The following CFAP20DC variants were observed in gnomAD, a reference collection of about 807,000 sequenced individuals.
The protein encoded by CFAP20DC is CFAP20 domain containing.
A neutral mutation model predicts 101.7 loss-of-function variants in CFAP20DC; 84 were observed. That is an observed-to-expected ratio of 0.83 (90% CI 0.69 to 0.99). The LOEUF is 0.99. Ranked by LOEUF, CFAP20DC falls within the 50% of genes least tolerant of loss-of-function variation. The pLI, the probability that CFAP20DC is intolerant of heterozygous loss-of-function variation, is 0.00. For synonymous variants in CFAP20DC, 359 were observed against 351.2 expected (o/e 1.02, Z -0.25); for missense variants, 1,007 against 970.3 (o/e 1.04, Z -0.50).
chr3:59,034,568 T>G (rs181466844), intron 4 of CFAP20DC, among the ~76,000 whole-genome samples: 30 of 151,954 alleles, frequency 2.0e-4, no homozygotes, highest in Non-Finnish European at 2.6e-4. Context: ...AAACAGACTT[T>G]AAACTATCAA....
At chr3:58,889,948 ACTT>A (rs1423034115) in intron 6 of CFAP20DC, among the ~76,000 whole-genome samples, 1 of 133,396 alleles carries the variant, frequency 7.5e-6, no homozygotes, top group African/African-American at 2.9e-5. Context: ...TCCCATGTCT[ACTT>A]CTTTCTACAC....
chr3:58,786,617 T>C (rs2072362964), intron 15 of CFAP20DC, among the ~76,000 whole-genome samples: 1 of 152,036 alleles, frequency 6.6e-6, no homozygotes, highest in South Asian at 2.1e-4. Context: ...TATCAGATCG[T>C]CCGTGATAGT....
At chr3:58,895,512 C>T (rs757189573) in intron 6 of CFAP20DC, among the ~76,000 whole-genome samples, 44 of 152,232 alleles carry the variant, frequency 2.9e-4, no homozygotes, top group Non-Finnish European at 5.1e-4. Context: ...GAGACCACCT[C>T]AGCCTGGACT....
chr3:58,823,419 G>A (rs1409160255), intron 14 of CFAP20DC, among the ~76,000 whole-genome samples: 1 of 152,108 alleles, frequency 6.6e-6, no homozygotes, highest in Non-Finnish European at 1.5e-5. Flanking sequence ...ATGACAACCA[G>A]TATCTACAAT....
chr3:58,866,159 C>T (rs1047899655), intron 11 of CFAP20DC, among the ~76,000 whole-genome samples: 25 of 152,088 alleles, frequency 1.6e-4, no homozygotes, highest in African/African-American at 5.3e-4. Context: ...TTCTTTTTTC[C>T]CTTGCTCAAA....
rs765553535 is a variant in CFAP20DC, at chr3:58,831,685, C to T, written c.2175+1G>A. 9.3e-6 allele frequency: 15 copies of T among 1,613,302 alleles called. No individual in the cohort carries two copies. The highest frequency in any genetic ancestry group is 1.3e-5 in the Non-Finnish European group (15 of 1,179,572). ...AGGAAGCTGCAAAGCCAGGGACTCACGGGTGGCAGGCAGGAGTTCCAGGTG... is the reference window on the plus strand; with the variant it reads ...AGGAAGCTGCAAAGCCAGGGACTCATGGGTGGCAGGCAGGAGTTCCAGGTG... On this transcript the variant is annotated splice_donor_variant, in intron 14 of 16. Transcript: ENST00000482387. LOFTEE classifies it high-confidence loss of function.
chr3:58,857,129 A>C (rs1025479944), intron 12 of CFAP20DC, among the ~76,000 whole-genome samples: 7 of 152,254 alleles, frequency 4.6e-5, no homozygotes, highest in Non-Finnish European at 8.8e-5. Context: ...AAAGTCTAAC[A>C]GAGAAATGAT....
Position 58,788,245 on chromosome 3 carries a change from G to A in CFAP20DC, c.2237+18150C>T, listed in dbSNP as rs2072545485. ...AGATTCTGAGCACGCAGTGAGAAAG[G>A]GAACCACAGCATGGTTGATTTGGGG... is the stretch of plus-strand genomic sequence containing the variant. On this transcript the variant is annotated intron_variant, in intron 15 of 16. Coordinates refer to ENST00000482387, the MANE Select transcript of CFAP20DC (RefSeq NM_001394063.1). The surrounding 1 kb of genome is among the most constrained non-coding windows in gnomAD (Gnocchi z 4.2). Among the ~76,000 whole-genome samples the A allele has an allele frequency of 2.0e-5, 3 of 152,030 alleles. No homozygotes were observed.
chr3:58,737,153 T>C (rs1365747139), downstream of CFAP20DC: 4 of 456,504 alleles, frequency 8.8e-6, no homozygotes, highest in African/African-American at 4.0e-5. This position sits in a 1 kb window ranked among gnomAD's most constrained non-coding sequence, Gnocchi z 4.1. Flanking sequence ...GGCTTCAGCA[T>C]ACCTTGTTTT....
At chr3:58,818,361 T>A (rs1328406129) in intron 14 of CFAP20DC, among the ~76,000 whole-genome samples, 1 of 146,638 alleles carries the variant, frequency 6.8e-6, no homozygotes, top group East Asian at 2.1e-4. Context: ...GGATAAAGAG[T>A]CAAGACCCAT....
Position 58,764,340 on chromosome 3 carries a change from G to A in CFAP20DC, c.2238-10477C>T, listed in dbSNP as rs535883114. 1.5e-4 allele frequency among the ~76,000 whole-genome samples: 23 copies of A among 152,306 alleles called. No homozygotes were observed. In the South Asian group the frequency reaches 2.3e-3, roughly 15 times the overall value. On this transcript the variant is annotated intron_variant, in intron 15 of 16. Coordinates refer to ENST00000482387, the MANE Select transcript of CFAP20DC (RefSeq NM_001394063.1). The stretch of plus-strand genomic sequence containing the variant: ...TGGTGTAGGATCCTCCGAGCCAGGC[G>A]TGGGATATAATCTCCTGGTGTGCCG...
At chr3:58,806,998 C>T (rs1023431750) in intron 14 of CFAP20DC, among the ~76,000 whole-genome samples, 10 of 152,110 alleles carry the variant, frequency 6.6e-5, no homozygotes, top group South Asian at 4.1e-4. Context: ...AACTGCAAGG[C>T]GGCAGTGAGG....
intron 15 of CFAP20DC, among the ~76,000 whole-genome samples, chr3:58,805,921 T>G (rs74609867): frequency 1.3e-5 from 2 of 152,342 alleles, no homozygotes; most frequent in African/African-American, 4.8e-5. Context: ...AGACTGGTCA[T>G]TTGAACTTTT....
intron 16 of CFAP20DC, among the ~76,000 whole-genome samples, chr3:58,744,014 G>A (rs1250391563): frequency 6.6e-6 from 1 of 152,240 alleles, no homozygotes; most frequent in Non-Finnish European, 1.5e-5. Flanking sequence ...AGAAACAGGT[G>A]AAATGTGAAA....
At chr3:58,848,230 A>C (rs758895565) in intron 13 of CFAP20DC, among the ~76,000 whole-genome samples, 35 of 151,950 alleles carry the variant, frequency 2.3e-4, no homozygotes, top group Admixed American at 2.6e-4. Flanking sequence ...AATATTAGCT[A>C]CTTCTATTTT....
At chr3:58,727,099 T>G (rs902299260) in intron 3 of CFAP20DC, 3 of 202,690 alleles carry the variant, frequency 1.5e-5, no homozygotes, top group South Asian at 5.7e-5. Flanking sequence ...CCACCTCCCA[T>G]AGGGGGCCAG....
chr3:59,038,122 A>C (rs967593474), intron 4 of CFAP20DC, among the ~76,000 whole-genome samples: 1 of 152,040 alleles, frequency 6.6e-6, no homozygotes, highest in Admixed American at 6.6e-5. Flanking sequence ...ACCAGGGCCT[A>C]TCAGGGGCTG....
rs183450991 is a variant in CFAP20DC, at chr3:58,729,765, T to A, written c.198-12137A>T. On this transcript the variant is annotated intron_variant, in intron 3 of 3. Coordinates refer to the CFAP20DC transcript ENST00000486145. The surrounding 1 kb of genome is among the most constrained non-coding windows in gnomAD (Gnocchi z 4.4). ...GGGATCGGTGGCTCATGCCTGTAAT[T>A]CCTAGCACTTTGGGAGGCCGAGGAG... Among the ~76,000 whole-genome samples, 1 of 152,284 alleles carries A rather than the reference T, an allele frequency of 6.6e-6. No homozygotes were observed. Among genetic ancestry groups the A allele is most frequent in the Non-Finnish European group, 1.5e-5 (1 of 68,026 alleles).
chr3:59,013,688 C>T (rs918764657), intron 4 of CFAP20DC, among the ~76,000 whole-genome samples: 2 of 152,098 alleles, frequency 1.3e-5, no homozygotes, highest in Admixed American at 6.6e-5. Context: ...AAGCCAGTTG[C>T]TATTTTCTTT....
Sources: allele counts gnomAD v4.1 joint callset (sites outside exome capture counted in the v4.1 genomes callset), GRCh38; gene constraint gnomAD v4.1.1; non-coding constraint Gnocchi (gnomAD v3.1); transcripts MANE v1.5; gene names NCBI Gene and HGNC (gene_info 2026-07-23, HGNC 2026-07-21).